The following CMC1 variants were observed in gnomAD, a reference collection of about 807,000 sequenced individuals.
CMC1 encodes C-X9-C motif containing 1.
CMC1 carries 14 observed loss-of-function variants against 14.1 expected under a neutral mutation model. That is an observed-to-expected ratio of 0.99 (90% CI 0.66 to 1.55). The LOEUF (loss-of-function observed/expected upper bound fraction) is 1.55, where lower values mean the gene tolerates loss of function less well. Among genes scored for constraint, CMC1 ranks in the 40% most tolerant of loss-of-function variants. The pLI, the probability that CMC1 is intolerant of heterozygous loss-of-function variation, is 0.00. For synonymous variants in CMC1, 50 were observed against 38.4 expected (o/e 1.30, Z -1.12); for missense variants, 127 against 123.8 (o/e 1.03, Z -0.12).
At chr3:28,283,100 G>T (rs1257345579) in intron 2 of CMC1, among the ~76,000 whole-genome samples, 1 of 152,124 alleles carries the variant, frequency 6.6e-6, no homozygotes, top group Admixed American at 6.5e-5. Flanking sequence ...GACAAGTCTT[G>T]CATAGAATTA....
At chr3:28,272,695 T>C (rs755525633) in intron 2 of CMC1, among the ~76,000 whole-genome samples, 1 of 152,116 alleles carries the variant, frequency 6.6e-6, no homozygotes, top group Non-Finnish European at 1.5e-5. Flanking sequence ...TTTCTTTCTT[T>C]TTTTTTGAAT....
At chr3:28,269,892 A>G (rs1453679825) in intron 2 of CMC1, among the ~76,000 whole-genome samples, 1 of 152,140 alleles carries the variant, frequency 6.6e-6, no homozygotes, top group East Asian at 1.9e-4. Flanking sequence ...TAAGCCCAGC[A>G]TGCATTAGCT....
intron 2 of CMC1, among the ~76,000 whole-genome samples, chr3:28,275,341 C>CTTTTTTTTTTTT (rs71087681): frequency 9.9e-6 from 1 of 101,066 alleles, no homozygotes; most frequent in Admixed American, 1.1e-4. Context: ...TTTTTTTTTT[C>CTTTTTTTTTTTT]TTTTTTTTTT....
chr3:28,248,946 T>C (rs540751941), intron 1 of CMC1, among the ~76,000 whole-genome samples: 185 of 152,222 alleles, frequency 1.2e-3, no homozygotes, highest in Non-Finnish European at 5.6e-4. Context: ...CCCACCACCA[T>C]GTCCGGCTAA....
rs1047609896 is a variant in CMC1, at chr3:28,314,706, A to G, written c.110-1627A>G. Reference sequence around the variant, plus strand: ...CACCAATTTTCTTGGAAGTATCACTATGATGTTGTGAGTGGATACAGGTAT... The same window carrying G: ...CACCAATTTTCTTGGAAGTATCACTGTGATGTTGTGAGTGGATACAGGTAT... On this transcript the variant is annotated intron_variant, in intron 2 of 3. Coordinates refer to ENST00000466830, the MANE Select transcript of CMC1 (RefSeq NM_182523.2). Among the ~76,000 whole-genome samples, 7 of 152,152 alleles carry G rather than the reference A, an allele frequency of 4.6e-5. No homozygotes were observed. In the East Asian group the frequency reaches 9.6e-4, roughly 21 times the overall value.
chr3:28,311,022 C>CT, intron 2 of CMC1, among the ~76,000 whole-genome samples: 1 of 152,342 alleles, frequency 6.6e-6, no homozygotes, highest in East Asian at 1.9e-4. Flanking sequence ...CGCCCGGTTC[C>CT]TAACAGGCCA....
intron 2 of CMC1, among the ~76,000 whole-genome samples, chr3:28,279,656 G>GAA (rs542242111): frequency 5.6e-4 from 70 of 126,082 alleles, no homozygotes; most frequent in Middle Eastern, 4.1e-3. Context: ...TTCTAAAACT[G>GAA]AAAAAAAAAA....
intron 1 of CMC1, among the ~76,000 whole-genome samples, chr3:28,251,412 TCTG>T (rs2125431287): frequency 6.6e-6 from 1 of 152,306 alleles, no homozygotes; most frequent in Non-Finnish European, 1.5e-5. Flanking sequence ...TCATGAGACA[TCTG>T]CCCTCGTGTC....
At chr3:28,271,271 T>C (rs1344448688) in intron 2 of CMC1, among the ~76,000 whole-genome samples, 1 of 152,096 alleles carries the variant, frequency 6.6e-6, no homozygotes, top group Non-Finnish European at 1.5e-5. Context: ...TGGCTAATTT[T>C]TATGTTTTGA....
intron 1 of CMC1, among the ~76,000 whole-genome samples, chr3:28,244,331 G>A (rs1046599828): frequency 2.6e-5 from 4 of 152,128 alleles, no homozygotes; most frequent in African/African-American, 9.7e-5. Flanking sequence ...AAATATGTTT[G>A]TATCTTAGCC....
chr3:28,258,980 C>G (rs1055395020), intron 1 of CMC1, among the ~76,000 whole-genome samples: 8 of 152,060 alleles, frequency 5.3e-5, no homozygotes, highest in Admixed American at 3.3e-4. Context: ...CCAAATTATG[C>G]CAGCACTACG....
chr3:28,245,539 T>G (rs1698778611), intron 1 of CMC1, among the ~76,000 whole-genome samples: 1 of 152,212 alleles, frequency 6.6e-6, no homozygotes, highest in Non-Finnish European at 1.5e-5. Flanking sequence ...CATGGCAGCC[T>G]AAGGGAAGTT....
At chr3:28,286,138 A>T (rs1371999780) in intron 2 of CMC1, among the ~76,000 whole-genome samples, 4 of 152,304 alleles carry the variant, frequency 2.6e-5, no homozygotes, top group Middle Eastern at 6.8e-3. Flanking sequence ...GAGTTTCATT[A>T]AAAAAGGCTG....
intron 2 of CMC1, among the ~76,000 whole-genome samples, chr3:28,267,502 G>A (rs1700065981): frequency 6.6e-6 from 1 of 151,984 alleles, no homozygotes; most frequent in Non-Finnish European, 1.5e-5. Flanking sequence ...CATCCCTTGG[G>A]CCCTCTTTTC....
chr3:28,243,848 A>G (rs1698665611), intron 1 of CMC1, among the ~76,000 whole-genome samples: 1 of 152,190 alleles, frequency 6.6e-6, no homozygotes, highest in African/African-American at 2.4e-5. Context: ...ACATACACAC[A>G]CACATTTTTA....
At chr3:28,255,753 A>ACACACG (rs1373697140) in intron 1 of CMC1, among the ~76,000 whole-genome samples, 45 of 150,966 alleles carry the variant, frequency 3.0e-4, no homozygotes, top group African/African-American at 8.1e-4. Flanking sequence ...ACACACACAC[A>ACACACG]CGCGACAGAG....
intron 1 of CMC1, among the ~76,000 whole-genome samples, chr3:28,262,405 C>A (rs1283041220): frequency 6.6e-6 from 1 of 151,952 alleles, no homozygotes; most frequent in Non-Finnish European, 1.5e-5. Flanking sequence ...GGGATAAATA[C>A]CTATATATAC....
chr3:28,247,051 A>G (rs549665006), intron 1 of CMC1, among the ~76,000 whole-genome samples: 13 of 152,222 alleles, frequency 8.5e-5, no homozygotes, highest in African/African-American at 2.6e-4. Flanking sequence ...TTTGTGTTCA[A>G]ATTTCCCCAG....
intron 2 of CMC1, chr3:28,292,881 T>G (rs1701547760): frequency 6.6e-6 from 1 of 152,204 alleles, no homozygotes; most frequent in South Asian, 2.1e-4. Flanking sequence ...AAATTGTTGA[T>G]TCACATTGAA....
Sources: gnomAD v4.1 joint callset for allele counts (sites outside exome capture counted in the v4.1 genomes callset) on GRCh38, gnomAD v4.1.1 for gene constraint, MANE v1.5 for transcripts, NCBI Gene and HGNC (gene_info 2026-07-23, HGNC 2026-07-21) for gene names.